Variants in RCOR3 observed in about 807,000 individuals in gnomAD.
RCOR3 encodes REST corepressor 3.
In RCOR3, 13 loss-of-function variants were observed where a neutral mutation model predicts 64.1. That is an observed-to-expected ratio of 0.20 (90% CI 0.13 to 0.32). RCOR3 has a LOEUF of 0.32. RCOR3 is among the 10% of genes least tolerant of loss of function. RCOR3 has a pLI of 1.00. For missense variants in RCOR3, 489 were observed against 701.2 expected, an observed-to-expected ratio of 0.70 and a Z score of 3.42; for synonymous variants, 215 against 239.0, an observed-to-expected ratio of 0.90 and a Z score of 0.93.
At chr1:211,302,117 A>G (rs1700440695) in intron 9 of RCOR3, 1 of 152,244 alleles carries the variant, frequency 6.6e-6, no homozygotes, top group African/African-American at 2.4e-5. Flanking sequence ...AACACTGACT[A>G]ATAAACCAAT....
Position 211,295,757 on chromosome 1 carries a change from T to C in RCOR3, c.1017+4T>C. On this transcript the variant is annotated splice_donor_region_variant and intron_variant, in intron 9 of 11. Coordinates refer to ENST00000419091, the MANE Select transcript of RCOR3 (RefSeq NM_001136223.3). ...TGAAGAATTCAAACCTCCTGAGGTATGTTATTGAAGGATACATGTGATTAA... is the reference window on the plus strand; with the variant it reads ...TGAAGAATTCAAACCTCCTGAGGTACGTTATTGAAGGATACATGTGATTAA... 1 of 1,611,662 alleles carries C rather than the reference T, an allele frequency of 6.2e-7. No individual in the cohort carries two copies. Among genetic ancestry groups the C allele is most frequent in the Non-Finnish European group, 8.5e-7 (1 of 1,178,000 alleles).
Position 211,263,600 on chromosome 1 carries a change from G to A in RCOR3, c.223+3436G>A, listed in dbSNP as rs553077781. 1.8e-4 allele frequency among the ~76,000 whole-genome samples: 27 copies of A among 152,196 alleles called. 1 individual carries two copies. The East Asian group carries it at 5.0e-3, about 28-fold the overall frequency. On this transcript the variant is annotated intron_variant, in intron 2 of 11. Coordinates refer to ENST00000419091, the MANE Select transcript of RCOR3 (RefSeq NM_001136223.3). The stretch of plus-strand genomic sequence containing the variant: ...AACTTAGGAGGGCTTTTCTTATCTG[G>A]TAAAAGCTAATCTTATCAATCAAAT...
At chr1:211,266,816 G>C (rs1327071821) in intron 2 of RCOR3, among the ~76,000 whole-genome samples, 1 of 152,204 alleles carries the variant, frequency 6.6e-6, no homozygotes, top group Non-Finnish European at 1.5e-5. Context: ...GTCCCAAGAG[G>C]TAGATAAGTT....
At chr1:211,308,662 T>TTTTTTTG (rs1558111152) in intron 10 of RCOR3, among the ~76,000 whole-genome samples, 1 of 49,872 alleles carries the variant, frequency 2.0e-5, no homozygotes, top group African/African-American at 6.2e-5. Context: ...TTTGGATGTG[T>TTTTTTTG]TTTTTTTTTT....
intron 9 of RCOR3, among the ~76,000 whole-genome samples, chr1:211,298,824 G>A (rs1700092664): frequency 6.6e-6 from 1 of 152,102 alleles, no homozygotes; most frequent in South Asian, 2.1e-4. Context: ...GGCTAACACA[G>A]TGAAACCCTG....
rs1231418296 is a variant in RCOR3 at position 211,274,091 on chromosome 1, G to A, written c.302-119G>A. 3.8e-5 allele frequency: 18 copies of A among 479,406 alleles called. No homozygotes were observed. The East Asian group carries it at 6.2e-4, about 16-fold the overall frequency. The allele number at this position is 479,406 out of a possible 1,614,324, so 29.7% of individuals were successfully genotyped here. On this transcript the variant is annotated intron_variant, in intron 3 of 11. Transcript: ENST00000419091. Reference sequence around the variant, plus strand: ...GTAACATTTCATGGGAGGTGCCTTTGGCTTTTTTTTTTACCCTGGAATATA... The same window carrying A: ...GTAACATTTCATGGGAGGTGCCTTTAGCTTTTTTTTTTACCCTGGAATATA...
chr1:211,273,423 G>A lies in RCOR3; in HGVS notation c.302-787G>A, dbSNP rs1471181839. On this transcript the variant is annotated intron_variant, in intron 3 of 11. Transcript: ENST00000419091. The stretch of plus-strand genomic sequence containing the variant: ...TCCAGAATCAGGATTCTTAACCACT[G>A]CTTCTCAAAAATATTTCCAAAAAAG... 3.3e-5 allele frequency among the ~76,000 whole-genome samples: 5 copies of A among 152,130 alleles called. No individual in the cohort carries two copies. In the East Asian group the frequency reaches 9.6e-4, roughly 29 times the overall value.
rs181762862 is a variant in RCOR3 at position 211,279,895 on chromosome 1, C to T, written c.720+579C>T. On this transcript the variant is annotated intron_variant, in intron 7 of 11. Coordinates refer to ENST00000419091, the MANE Select transcript of RCOR3 (RefSeq NM_001136223.3). ...CCCTGTAACCTCATGATGCTGGATT[C>T]GTTGCTATTCACGGTCTAAGAGATG... Among the ~76,000 whole-genome samples, 30 of 152,204 alleles carry T rather than the reference C, an allele frequency of 2.0e-4. 1 individual carries two copies. In the East Asian group the frequency reaches 5.6e-3, roughly 28 times the overall value.
chr1:211,280,607 T>C (rs1697643279), intron 7 of RCOR3, among the ~76,000 whole-genome samples: 1 of 152,226 alleles, frequency 6.6e-6, no homozygotes, highest in Admixed American at 6.5e-5. Context: ...GTATCTACTC[T>C]TTCTCCACCA....
intron 10 of RCOR3, among the ~76,000 whole-genome samples, chr1:211,306,005 A>G (rs1250505166): frequency 6.6e-6 from 1 of 152,152 alleles, no homozygotes; most frequent in Admixed American, 6.5e-5. Context: ...AGGATTTCAG[A>G]GGCACTTTCT....
chr1:211,285,907 C>A (rs1431492698), intron 7 of RCOR3, among the ~76,000 whole-genome samples: 1 of 152,068 alleles, frequency 6.6e-6, no homozygotes, highest in Non-Finnish European at 1.5e-5. Flanking sequence ...CTGAATTGAG[C>A]CTTTTATCAA....
intron 7 of RCOR3, among the ~76,000 whole-genome samples, chr1:211,280,481 A>G (rs577794751): frequency 1.3e-5 from 2 of 152,338 alleles, no homozygotes; most frequent in South Asian, 2.1e-4. Flanking sequence ...TGTTGATTCA[A>G]TAAATCATTG....
intron 9 of RCOR3, among the ~76,000 whole-genome samples, chr1:211,298,531 T>C (rs1700064647): frequency 6.6e-6 from 1 of 152,208 alleles, no homozygotes; most frequent in African/African-American, 2.4e-5. Context: ...TTAATAGCTA[T>C]TGAGGATTCC....
intron 8 of RCOR3, chr1:211,291,680 G>A: frequency 4.8e-6 from 2 of 414,366 alleles, no homozygotes; most frequent in Middle Eastern, 7.0e-4. Context: ...CCTTGGTCCT[G>A]GTTATTCACC....
intron 8 of RCOR3, among the ~76,000 whole-genome samples, chr1:211,293,118 T>TAAATAAATAAATAAATA (rs374581705): frequency 0.027 from 4,031 of 151,234 alleles, 93 homozygotes; most frequent in Non-Finnish European, 0.045. Context: ...AATAAATAAA[T>TAAATAAATAAATAAATA]AAGTCTTAAT....
chr1:211,267,904 C>T (rs1695474735), intron 2 of RCOR3: 1 of 364,526 alleles, frequency 2.7e-6, no homozygotes, highest in African/African-American at 2.3e-5. Flanking sequence ...GTAGCTGTTA[C>T]CTTTTATGGG....
intron 9 of RCOR3, chr1:211,303,393 T>C (rs1700569047): frequency 6.6e-6 from 1 of 152,230 alleles, no homozygotes; most frequent in African/African-American, 2.4e-5. Context: ...CTTTCTGTTT[T>C]GCCCAACATG....
chr1:211,285,031 G>T (rs1698337340), intron 7 of RCOR3, among the ~76,000 whole-genome samples: 3 of 152,098 alleles, frequency 2.0e-5, no homozygotes, highest in Admixed American at 2.0e-4. Context: ...CTATTTGGTG[G>T]TTCTTCTTAA....
rs772467312 is a variant in RCOR3, at chr1:211,313,442, C to T, written c.1336C>T (p.Pro446Ser). ...CCTCTAGGCACAGACCCCACAGGCT[C>T]CTCGGACACTGGGTCCATCACCTCC... ...EEEEAQTPQA[P>S]RTLGPSPPAP... The change falls in exon 12 of 12, where the codon CCT becomes TCT. Residue 446 changes from proline to serine, a missense_variant. Pro to Ser is a moderately conservative substitution (Grantham distance 74, BLOSUM62 -1). Around this residue, in one of 2 missense-constraint regions of RCOR3, gnomAD observed 402 missense variants for 617.0 expected, o/e 0.65. Coordinates refer to ENST00000419091, the MANE Select transcript of RCOR3 (RefSeq NM_001136223.3). This position sits in a 1 kb window ranked among gnomAD's most constrained non-coding sequence, Gnocchi z 4.7. 6.2e-7 allele frequency: 1 copy of T among 1,613,836 alleles called. No individual in the cohort carries two copies. The highest frequency in any genetic ancestry group is 8.5e-7 in the Non-Finnish European group (1 of 1,179,826).
Sources: gnomAD v4.1 joint callset for allele counts (sites outside exome capture counted in the v4.1 genomes callset) on GRCh38, gnomAD v4.1.1 for gene constraint, gnomAD v4.1.1 regional missense constraint, Gnocchi (gnomAD v3.1) non-coding constraint, MANE v1.5 for transcripts, NCBI Gene and HGNC (gene_info 2026-07-23, HGNC 2026-07-21) for gene names.